PAK2: variants seen among roughly 807,000 people sequenced by gnomAD.
The protein encoded by PAK2 is serine/threonine-protein kinase PAK 2.
A neutral mutation model predicts 65.9 loss-of-function variants in PAK2; 21 were observed. The ratio of observed to expected loss-of-function variants is 0.32; its 90% CI spans 0.23 to 0.46. PAK2 has a LOEUF of 0.46. Among genes scored for constraint, PAK2 ranks in the 20% least tolerant of loss-of-function variants. The pLI is 1.00. For synonymous variants in PAK2, 204 were observed against 219.7 expected (o/e 0.93, Z 0.63); for missense variants, 324 against 642.6 (o/e 0.50, Z 5.36).
chr3:196,807,998 T>C (rs1020675600), intron 7 of PAK2, 84 bp downstream of exon 7: 4 of 1,339,270 alleles, frequency 3.0e-6, no homozygotes, highest in Admixed American at 2.2e-5. Flanking sequence ...ACTTACACTT[T>C]ACATTGTGAC....
chr3:196,740,581 C>T (rs191730649), intron 1 of PAK2, among the ~76,000 whole-genome samples: 47 of 152,294 alleles, frequency 3.1e-4, no homozygotes, highest in African/African-American at 1.0e-3. Context: ...CCCCTGCTTG[C>T]TCGCTCTCTG....
chr3:196,815,507 G>A (rs1715988919), intron 11 of PAK2, among the ~76,000 whole-genome samples: 2 of 150,320 alleles, frequency 1.3e-5, no homozygotes, highest in Admixed American at 6.6e-5. Flanking sequence ...AAAAAAAAGA[G>A]GCTGGGTACA....
At chr3:196,824,846 G>A (rs1577754222) in intron 13 of PAK2, among the ~76,000 whole-genome samples, 2 of 151,584 alleles carry the variant, frequency 1.3e-5, no homozygotes, top group Admixed American at 6.6e-5. Flanking sequence ...ACTGTGTAAT[G>A]TAATACAGAG....
chr3:196,805,344 A>T lies in PAK2; in HGVS notation c.437-8A>T, dbSNP rs557734261. On this transcript the variant is annotated splice_region_variant and splice_polypyrimidine_tract_variant and intron_variant, in intron 4 of 14. Transcript: ENST00000327134. ...AATTGCTAATGTTATGTTTTGTTTC[A>T]TATTCAGAGAAAGATGGCTTTCCTT... 2.2e-5 allele frequency: 31 copies of T among 1,410,462 alleles called. No individual in the cohort carries two copies. In the South Asian group the frequency reaches 3.7e-4, roughly 17 times the overall value. The allele number at this position is 1,410,462 out of a possible 1,614,324, so 87.4% of individuals were successfully genotyped here. A position where few individuals can be genotyped will look rare whatever the true frequency, so the allele number is the denominator to read the frequency against.
chr3:196,777,732 T>G (rs1714581332), intron 1 of PAK2, among the ~76,000 whole-genome samples: 1 of 152,204 alleles, frequency 6.6e-6, no homozygotes, highest in South Asian at 2.1e-4. Flanking sequence ...CGTGTTGGTC[T>G]TTCTCCAGGT....
intron 1 of PAK2, among the ~76,000 whole-genome samples, chr3:196,751,532 A>T (rs899109592): frequency 4.0e-5 from 6 of 150,290 alleles, no homozygotes; most frequent in African/African-American, 1.5e-4. Flanking sequence ...CTGTAATCCC[A>T]GCTACTCGGG....
chr3:196,787,226 A>G (rs981366465), intron 2 of PAK2, among the ~76,000 whole-genome samples: 10 of 152,170 alleles, frequency 6.6e-5, no homozygotes, highest in Non-Finnish European at 1.3e-4. Context: ...TATAAATTTT[A>G]GAATCTGTTT....
At position 196,791,334 on chromosome 3, in the gene PAK2, G is replaced by A. The variant is rs2108748207; in HGVS notation, c.187+8501G>A. ...ATGTAAAAACAAATGGCATTGAACA[G>A]ATTTTTAGGATTTTATGTTTATTTT... On this transcript the variant is annotated intron_variant, in intron 2 of 14. Transcript: ENST00000327134. This position sits in a 1 kb window ranked among gnomAD's most constrained non-coding sequence, Gnocchi z 4.0. 6.6e-6 allele frequency among the ~76,000 whole-genome samples: 1 copy of A among 152,274 alleles called. No homozygotes were observed. The highest frequency in any genetic ancestry group is 1.5e-5 in the Non-Finnish European group (1 of 68,026).
intron 1 of PAK2, among the ~76,000 whole-genome samples, chr3:196,743,564 T>C (rs1337014094): frequency 6.6e-6 from 1 of 152,148 alleles, no homozygotes; most frequent in African/African-American, 2.4e-5. Flanking sequence ...AACTGCCTTC[T>C]AGGCCGGGTG....
intron 1 of PAK2, among the ~76,000 whole-genome samples, chr3:196,770,346 A>G (rs1798622): frequency 0.91 from 138,430 of 151,870 alleles, 63,336 homozygotes; most frequent in African/African-American, 0.93. Context: ...TTTATTAATA[A>G]TATATATCAG....
intron 12 of PAK2, among the ~76,000 whole-genome samples, chr3:196,818,547 A>G (rs564710754): frequency 6.6e-6 from 1 of 152,172 alleles, no homozygotes; most frequent in African/African-American, 2.4e-5. Context: ...TTGTGTTTTT[A>G]GTAAAGACGG....
At chr3:196,763,977 T>G (rs1305278542) in intron 1 of PAK2, among the ~76,000 whole-genome samples, 4 of 150,714 alleles carry the variant, frequency 2.7e-5, no homozygotes, top group Admixed American at 1.3e-4. Context: ...TTTTTTTTTT[T>G]TTGTATTTTT....
At chr3:196,761,145 C>CTT (rs58174238) in intron 1 of PAK2, among the ~76,000 whole-genome samples, 4,886 of 119,478 alleles carry the variant, frequency 0.041, 168 homozygotes, top group Middle Eastern at 0.067. Context: ...AGGAGAACCG[C>CTT]TTTTTTTTTT....
chr3:196,780,478 G>T (rs1211070617), intron 1 of PAK2, among the ~76,000 whole-genome samples: 1 of 152,150 alleles, frequency 6.6e-6, no homozygotes, highest in African/African-American at 2.4e-5. Flanking sequence ...AAAACCATCA[G>T]ATCACGTGAG....
rs1715633484 is a variant in PAK2, at chr3:196,807,790, A to G, written c.585A>G (p.Thr195=). ...GAACTGTGTCTCCACAGATTTACAC[A>G]CGGTCTGTAATTGACCCTGTTCCTG... ...PRPDHTKSIY[T]RSVIDPVPAP... is the part of the protein sequence containing the mutation. Residue 195 remains threonine, a synonymous_variant, in exon 7 of 15, where the codon ACA becomes ACG. Coordinates refer to ENST00000327134, the MANE Select transcript of PAK2 (RefSeq NM_002577.4). 1 of 1,600,064 alleles carries G rather than the reference A, an allele frequency of 6.2e-7. No individual in the cohort carries two copies. The highest frequency in any genetic ancestry group is 2.2e-5 in the East Asian group (1 of 44,798).
chr3:196,810,615 T>G lies in PAK2; in HGVS notation c.735T>G (p.Pro245=). The G allele has an allele frequency of 6.4e-7, 1 of 1,569,048 alleles. No homozygotes were observed. ...KLRTIVSIGD[P]KKKYTRYEKI... is the part of the protein sequence containing the mutation. ...GAACTATCGTGAGCATAGGTGACCC[T>G]AAGAAAAAATATACAAGATATGAAA... Residue 245 remains proline, a synonymous_variant, in exon 8 of 15, where the codon CCT becomes CCG. Coordinates refer to ENST00000327134, the MANE Select transcript of PAK2 (RefSeq NM_002577.4).
intron 1 of PAK2, among the ~76,000 whole-genome samples, chr3:196,759,519 T>G (rs77497551): frequency 0.048 from 2,444 of 51,442 alleles, 66 homozygotes; most frequent in East Asian, 0.094. Context: ...TTTTTTTTTT[T>G]TTTTTTTTTT....
chr3:196,766,713 T>A (rs529782057), intron 1 of PAK2, among the ~76,000 whole-genome samples: 123 of 152,228 alleles, frequency 8.1e-4, no homozygotes, highest in Non-Finnish European at 1.4e-3. Context: ...GTAACTATTT[T>A]TTAAAATTTT....
chr3:196,823,118 A>G (rs2108774843), intron 13 of PAK2, among the ~76,000 whole-genome samples: 1 of 152,288 alleles, frequency 6.6e-6, no homozygotes, highest in South Asian at 2.1e-4. Flanking sequence ...TCCCTGAGGA[A>G]GGCAAAGGCA....
Sources: gnomAD v4.1 joint callset for allele counts (sites outside exome capture counted in the v4.1 genomes callset) on GRCh38, gnomAD v4.1.1 for gene constraint, Gnocchi (gnomAD v3.1) non-coding constraint, MANE v1.5 for transcripts, NCBI Gene and HGNC (gene_info 2026-07-23, HGNC 2026-07-21) for gene names.